Variants in INSL6 observed in about 807,000 individuals in gnomAD.
INSL6 encodes the protein insulin-like peptide INSL6.
A neutral mutation model predicts 9.4 loss-of-function variants in INSL6; 16 were observed. The ratio of observed to expected loss-of-function variants is 1.70; its 90% CI spans 1.15 to 2.59. The LOEUF is 2.59. Ranked by LOEUF, INSL6 falls within the 30% of genes most tolerant of loss-of-function variation. The pLI is 0.00. For missense variants in INSL6, 391 were observed against 257.3 expected (o/e 1.52, Z -3.56); for synonymous variants, 154 against 96.9 (o/e 1.59, Z -3.46).
chr9:5,106,689 C>G, the INSL6 span, among the ~76,000 whole-genome samples: 1 of 151,990 alleles, frequency 6.6e-6, no homozygotes, highest in Non-Finnish European at 1.5e-5. Context: ...GAAAATATGC[C>G]ACAAATATCC....
the INSL6 span, chr9:5,085,718 C>T: frequency 5.3e-6 from 4 of 751,696 alleles, no homozygotes; most frequent in East Asian, 2.5e-5. Flanking sequence ...CAGTGTGGAT[C>T]ATTTCTGCAA....
intron 2 of INSL6, among the ~76,000 whole-genome samples, chr9:5,141,515 T>C (rs1333208582): frequency 6.6e-6 from 1 of 152,228 alleles, no homozygotes; most frequent in African/African-American, 2.4e-5. Flanking sequence ...GAAAAGTGTC[T>C]GTTCATGTCC....
chr9:5,031,591 T>C, the INSL6 span, among the ~76,000 whole-genome samples: 3 of 152,194 alleles, frequency 2.0e-5, no homozygotes, highest in Admixed American at 2.0e-4. Context: ...CAGATTGATA[T>C]GTAAATAGAA....
At chr9:5,150,899 G>C (rs1824700453) in intron 2 of INSL6, among the ~76,000 whole-genome samples, 1 of 150,860 alleles carries the variant, frequency 6.6e-6, no homozygotes, top group Non-Finnish European at 1.5e-5. Flanking sequence ...ATACTACCCA[G>C]CCATAAAAAG....
At chr9:5,041,434 C>A in the INSL6 span, 19 of 625,234 alleles carry the variant, frequency 3.0e-5, no homozygotes, top group Non-Finnish European at 5.8e-5. Flanking sequence ...TCATGTACTT[C>A]CTGTGCAGCA....
chr9:5,062,650 T>G, the INSL6 span, among the ~76,000 whole-genome samples: 8 of 152,120 alleles, frequency 5.3e-5, no homozygotes, highest in African/African-American at 1.9e-4. Flanking sequence ...ATTTACAACT[T>G]TGATAGATTA....
the INSL6 span, among the ~76,000 whole-genome samples, chr9:5,095,905 C>T: frequency 6.6e-6 from 1 of 152,190 alleles, no homozygotes; most frequent in African/African-American, 2.4e-5. Context: ...CACTACAACC[C>T]TGTCACTGTC....
At chr9:5,014,400 C>G in the INSL6 span, among the ~76,000 whole-genome samples, 5 of 152,148 alleles carry the variant, frequency 3.3e-5, no homozygotes, top group Non-Finnish European at 7.3e-5. Flanking sequence ...CAACAACTTT[C>G]ATGTGTCAGA....
At chr9:5,170,501 A>G (rs1825155290) in intron 1 of INSL6, among the ~76,000 whole-genome samples, 1 of 151,966 alleles carries the variant, frequency 6.6e-6, no homozygotes, top group South Asian at 2.1e-4. Flanking sequence ...TTAGAGCAGA[A>G]CTGAAGGAGA....
At chr9:5,011,718 C>T in the INSL6 span, among the ~76,000 whole-genome samples, 4 of 151,900 alleles carry the variant, frequency 2.6e-5, no homozygotes, top group East Asian at 7.7e-4. Flanking sequence ...AGTGTAGAAA[C>T]TCCGGATGAT....
At chr9:4,995,171 CTT>C in the INSL6 span, among the ~76,000 whole-genome samples, 1 of 152,034 alleles carries the variant, frequency 6.6e-6, no homozygotes, top group Non-Finnish European at 1.5e-5. Context: ...TTTTATTCTC[CTT>C]TTTTAGGGAA....
the INSL6 span, among the ~76,000 whole-genome samples, chr9:5,103,618 A>G: frequency 1.3e-5 from 2 of 152,176 alleles, no homozygotes; most frequent in South Asian, 4.1e-4. Flanking sequence ...CAGAATATAC[A>G]TTCTTCTCAG....
chr9:5,000,659 G>C, the INSL6 span, among the ~76,000 whole-genome samples: 2 of 151,898 alleles, frequency 1.3e-5, no homozygotes, highest in African/African-American at 4.8e-5. Context: ...TTCCCTATAT[G>C]CTCAAAACAT....
the INSL6 span, chr9:5,100,744 G>C: frequency 8.4e-4 from 128 of 152,278 alleles, no homozygotes; most frequent in African/African-American, 2.9e-3. Context: ...ATTACCTTAG[G>C]TATTTACTTC....
chr9:5,145,660 C>G (rs1395977131), intron 2 of INSL6, among the ~76,000 whole-genome samples: 1 of 152,158 alleles, frequency 6.6e-6, no homozygotes, highest in African/African-American at 2.4e-5. Flanking sequence ...TATTCCTTTT[C>G]ACTCTTTTTT....
the INSL6 span, among the ~76,000 whole-genome samples, chr9:5,081,269 T>G: frequency 6.6e-6 from 1 of 151,412 alleles, no homozygotes; most frequent in Non-Finnish European, 1.5e-5. Context: ...ATTTTTTTTT[T>G]GCTTAAATTG....
chr9:5,070,766 T>C, the INSL6 span, among the ~76,000 whole-genome samples: 1 of 151,852 alleles, frequency 6.6e-6, no homozygotes, highest in Admixed American at 6.6e-5. Context: ...ACCCATGCTG[T>C]TCAAGGGTCA....
the INSL6 span, among the ~76,000 whole-genome samples, chr9:5,005,937 A>G: frequency 6.6e-5 from 10 of 152,162 alleles, no homozygotes; most frequent in African/African-American, 2.4e-4. Flanking sequence ...TGATGCCTCC[A>G]GCTTTGTTCT....
chr9:4,995,478 G>T, the INSL6 span, among the ~76,000 whole-genome samples: 1 of 152,148 alleles, frequency 6.6e-6, no homozygotes, highest in Non-Finnish European at 1.5e-5. Context: ...TCCCCTAGAT[G>T]GTTGTCCAGT....
Sources: gnomAD v4.1 joint callset for allele counts (sites outside exome capture counted in the v4.1 genomes callset) on GRCh38, gnomAD v4.1.1 for gene constraint, MANE v1.5 for transcripts, NCBI Gene and HGNC (gene_info 2026-07-23, HGNC 2026-07-21) for gene names.